The following UBE3B variants were observed in gnomAD, a reference collection of about 807,000 sequenced individuals.
The protein encoded by UBE3B is ubiquitin-protein ligase E3B.
A neutral mutation model predicts 132.3 loss-of-function variants in UBE3B; 80 were observed. That is an observed-to-expected ratio of 0.60 (90% CI 0.50 to 0.73). The LOEUF (loss-of-function observed/expected upper bound fraction) is 0.73, where lower values mean the gene tolerates loss of function less well. Among genes scored for constraint, UBE3B ranks in the 30% least tolerant of loss-of-function variants. UBE3B has a pLI of 0.00. For synonymous variants in UBE3B, 487 were observed against 520.4 expected, an observed-to-expected ratio of 0.94 and a Z score of 0.87; for missense variants, 1,196 against 1,362.5, an observed-to-expected ratio of 0.88 and a Z score of 1.92.
chr12:109,478,758 G>C (rs887160062), intron 1 of UBE3B, among the ~76,000 whole-genome samples: 9 of 152,252 alleles, frequency 5.9e-5, no homozygotes, highest in Non-Finnish European at 1.2e-4. Context: ...TCCAGCCTGG[G>C]CAACAAAGTG....
At chr12:109,544,431 G>A in the UBE3B span, among the ~76,000 whole-genome samples, 3 of 152,284 alleles carry the variant, frequency 2.0e-5, no homozygotes, top group Admixed American at 6.5e-5. Flanking sequence ...GCCTCTGGGT[G>A]TTTCAGAAGA....
downstream of UBE3B, among the ~76,000 whole-genome samples, chr12:109,541,508 A>G (rs1883611278): frequency 6.6e-6 from 1 of 152,262 alleles, no homozygotes; most frequent in African/African-American, 2.4e-5. Flanking sequence ...ATAGTTGCCC[A>G]GTAAATGCTA....
At chr12:109,509,435 T>A in intron 15 of UBE3B, 161 bp from the exon 16 acceptor site, 32 of 525,040 alleles carry the variant, frequency 6.1e-5, no homozygotes, top group Admixed American at 3.8e-4. Context: ...CCCCTACCCC[T>A]GATGATATCA....
chr12:109,545,406 C>G, the UBE3B span, among the ~76,000 whole-genome samples: 2 of 152,252 alleles, frequency 1.3e-5, no homozygotes, highest in African/African-American at 4.8e-5. Flanking sequence ...AGCTCACTCT[C>G]TGGTGGGAAA....
chr12:109,499,596 G>A, intron 11 of UBE3B, 37 bp from the exon 12 acceptor site: 1 of 1,525,082 alleles, frequency 6.6e-7, no homozygotes, highest in Non-Finnish European at 8.8e-7. Context: ...CAAAATGTTT[G>A]TCTGGGCCCA....
chr12:109,536,909 T>G (rs1883472441), downstream of UBE3B, among the ~76,000 whole-genome samples: 1 of 152,202 alleles, frequency 6.6e-6, no homozygotes, highest in South Asian at 2.1e-4. Context: ...GTAACACATT[T>G]CAGATGAGCA....
At chr12:109,545,507 CAA>C in the UBE3B span, among the ~76,000 whole-genome samples, 1 of 152,242 alleles carries the variant, frequency 6.6e-6, no homozygotes, top group African/African-American at 2.4e-5. Flanking sequence ...GATGCCCACT[CAA>C]GTGGGGAAAG....
chr12:109,486,433 A>G (rs557775255), intron 5 of UBE3B, 38 bp from the exon 6 acceptor site: 29 of 1,515,230 alleles, frequency 1.9e-5, no homozygotes, highest in Admixed American at 1.9e-5. Context: ...TATGATCTCT[A>G]TAACAGCCCA....
intron 24 of UBE3B, among the ~76,000 whole-genome samples, chr12:109,527,275 A>C (rs1165208404): frequency 6.6e-6 from 1 of 152,212 alleles, no homozygotes; most frequent in Non-Finnish European, 1.5e-5. Context: ...CCCTAGAAGC[A>C]AAACCTCTCA....
rs768309806 is a variant in UBE3B at position 109,516,955 on chromosome 12, G to A, written c.2076+71G>A. The stretch of plus-strand genomic sequence containing the variant: ...GCAACATGGAAGCTCTTTAGTGGAC[G>A]GTCTCTGGCTTTTGAACTGTTCCTG... On this transcript the variant is annotated intron_variant, in intron 19 of 27. Transcript: ENST00000342494. 4.5e-5 allele frequency: 71 copies of A among 1,566,590 alleles called. No homozygotes were observed. The Admixed American group carries it at 9.8e-4, about 22-fold the overall frequency.
chr12:109,513,918 G>A (rs910077209), intron 18 of UBE3B, among the ~76,000 whole-genome samples: 3 of 152,148 alleles, frequency 2.0e-5, no homozygotes, highest in African/African-American at 4.8e-5. Context: ...TTAGTGGCAT[G>A]TGTGCTGCCC....
chr12:109,545,972 G>T, the UBE3B span, among the ~76,000 whole-genome samples: 1 of 152,136 alleles, frequency 6.6e-6, no homozygotes. Context: ...GTAGAGGGAG[G>T]CCAGAGGAAT....
At chr12:109,486,648 T>A in intron 6 of UBE3B, 73 bp downstream of exon 6, 1 of 1,217,618 alleles carries the variant, frequency 8.2e-7, no homozygotes, top group Non-Finnish European at 1.1e-6. Context: ...CTGTAGACTT[T>A]AGTCTGTATT....
At chr12:109,500,552 G>A (rs1157092474) in intron 12 of UBE3B, among the ~76,000 whole-genome samples, 1 of 152,166 alleles carries the variant, frequency 6.6e-6, no homozygotes, top group Non-Finnish European at 1.5e-5. Flanking sequence ...CATTGCTAGG[G>A]AACAGCCTGC....
chr12:109,509,566 G>A lies in UBE3B; in HGVS notation c.1623-30G>A. 2.0e-6 allele frequency: 3 copies of A among 1,488,242 alleles called. No individual in the cohort carries two copies. The South Asian group carries it at 3.7e-5, about 18-fold the overall frequency. The allele number at this position is 1,488,242 out of a possible 1,614,324, so 92.2% of individuals were successfully genotyped here. On this transcript the variant is annotated intron_variant, in intron 15 of 27. Transcript: ENST00000342494. ...TTTCTCTTCGCCTTTTTTCAGTGTG[G>A]AATTGTGGGTAATTTTCTCTCTGAT...
At chr12:109,479,657 G>T (rs1055167664) in intron 1 of UBE3B, among the ~76,000 whole-genome samples, 5 of 152,210 alleles carry the variant, frequency 3.3e-5, no homozygotes, top group Non-Finnish European at 7.3e-5. Context: ...CACTGTGCAG[G>T]TGGAGAAGGT....
chr12:109,545,220 G>C, the UBE3B span, among the ~76,000 whole-genome samples: 1 of 152,246 alleles, frequency 6.6e-6, no homozygotes, highest in Non-Finnish European at 1.5e-5. Flanking sequence ...TGTGAAGTCT[G>C]CTGGGTGGCT....
downstream of UBE3B, among the ~76,000 whole-genome samples, chr12:109,537,356 A>G (rs1883490568): frequency 6.6e-6 from 1 of 152,198 alleles, no homozygotes; most frequent in African/African-American, 2.4e-5. Flanking sequence ...CAGACCTGCC[A>G]GGTGTTTGCC....
chr12:109,526,826 G>A (rs892010836), intron 24 of UBE3B, among the ~76,000 whole-genome samples: 6 of 150,092 alleles, frequency 4.0e-5, no homozygotes, highest in East Asian at 3.9e-4. Flanking sequence ...AGCCAAGATC[G>A]CACCAGCGCA....
Sources: allele counts gnomAD v4.1 joint callset (sites outside exome capture counted in the v4.1 genomes callset), GRCh38; gene constraint gnomAD v4.1.1; transcripts MANE v1.5; gene names NCBI Gene and HGNC (gene_info 2026-07-23, HGNC 2026-07-21).